The following KATNAL2 variants were observed in gnomAD, a reference collection of about 807,000 sequenced individuals.
KATNAL2 encodes katanin catalytic subunit A1 like 2, also known as katanin p60 ATPase-containing subunit A-like 2.
A neutral mutation model predicts 76.3 loss-of-function variants in KATNAL2; 52 were observed. The ratio of observed to expected loss-of-function variants is 0.68; its 90% CI spans 0.55 to 0.86. The LOEUF (loss-of-function observed/expected upper bound fraction) is 0.86, where lower values mean the gene tolerates loss of function less well. Among genes scored for constraint, KATNAL2 ranks in the 40% least tolerant of loss-of-function variants. KATNAL2 has a pLI of 0.00. For missense variants in KATNAL2, 660 were observed against 668.9 expected (o/e 0.99, Z 0.15); for synonymous variants, 243 against 244.2 (o/e 1.00, Z 0.05).
At chr18:46,965,451 A>G (rs1391969158) in intron 3 of KATNAL2, among the ~76,000 whole-genome samples, 1 of 114,028 alleles carries the variant, frequency 8.8e-6, no homozygotes, top group African/African-American at 3.3e-5. Flanking sequence ...GTGGTGGAGA[A>G]GAAGTCTCTG....
At chr18:46,953,454 C>T (rs114046423) in intron 3 of KATNAL2, among the ~76,000 whole-genome samples, 1,991 of 152,184 alleles carry the variant, frequency 0.013, 41 homozygotes, top group African/African-American at 0.044. Context: ...GCCTGGGCAA[C>T]GTGATGAAAC....
chr18:47,035,346 C>T (rs2060721458), intron 3 of KATNAL2: 3 of 1,599,632 alleles, frequency 1.9e-6, no homozygotes, highest in Admixed American at 1.7e-5. Context: ...TCTGGGGTGG[C>T]CGGTCCTCGC....
rs920703000 is a variant in KATNAL2 at position 46,946,159 on chromosome 18, G to A, written c.-407G>A. 8.9e-5 allele frequency: 84 copies of A among 941,074 alleles called. No individual in the cohort carries two copies. In the African/African-American group the frequency reaches 1.3e-3, roughly 14 times the overall value. The allele number at this position is 941,074 out of a possible 1,614,324, so 58.3% of individuals were successfully genotyped here. Reference sequence around the variant, plus strand: ...AATGATGAAGGGATAATTTGGAATAGGATTCACAGCAAGAGAGACAGAAGG... The same window carrying A: ...AATGATGAAGGGATAATTTGGAATAAGATTCACAGCAAGAGAGACAGAAGG... On this transcript the variant is annotated 5_prime_UTR_variant, in exon 2 of 18. Transcript: ENST00000683218.
At chr18:47,099,684 C>T (rs529128070) in intron 16 of KATNAL2, among the ~76,000 whole-genome samples, 2 of 152,260 alleles carry the variant, frequency 1.3e-5, no homozygotes, top group South Asian at 4.1e-4. Context: ...AGCTGTGTGA[C>T]CTCGGAGAAG....
intron 3 of KATNAL2, among the ~76,000 whole-genome samples, chr18:46,955,584 G>T (rs1288985130): frequency 1.3e-5 from 2 of 150,640 alleles, no homozygotes; most frequent in African/African-American, 2.4e-5. Context: ...TTTGGAAACA[G>T]GGTCTCACCG....
At chr18:47,096,549 A>G (rs780148943) in intron 15 of KATNAL2, among the ~76,000 whole-genome samples, 3 of 152,112 alleles carry the variant, frequency 2.0e-5, no homozygotes, top group Non-Finnish European at 2.9e-5. Context: ...TATGTTGCCC[A>G]GCATAGTCAG....
intron 14 of KATNAL2, 75 bp downstream of exon 14, chr18:47,075,443 C>G (rs553140394): frequency 6.2e-6 from 7 of 1,122,226 alleles, no homozygotes; most frequent in East Asian, 3.2e-5. Flanking sequence ...GTTTGATGGT[C>G]GGAAGCCTAT....
chr18:46,919,007 A>ATATGTG (rs550181494), intron 1 of KATNAL2, among the ~76,000 whole-genome samples: 38 of 143,308 alleles, frequency 2.7e-4, no homozygotes, highest in South Asian at 2.0e-3. Flanking sequence ...ATATATATAT[A>ATATGTG]TGTGTGTGTG....
chr18:47,049,542 A>G lies in KATNAL2; in HGVS notation c.122+3015A>G, dbSNP rs546831799. Among the ~76,000 whole-genome samples the G allele has an allele frequency of 5.3e-5, 8 of 152,340 alleles. No individual in the cohort carries two copies. In the South Asian group the frequency reaches 1.5e-3, roughly 28 times the overall value. ...TATACAGAATATTAATAGGTGTTAA[A>G]GAGTTTTGTGGTCAGGTAAGCTTGG... On this transcript the variant is annotated intron_variant, in intron 4 of 17. Transcript: ENST00000683218.
chr18:47,057,036 C>T (rs1240083492), intron 6 of KATNAL2, among the ~76,000 whole-genome samples: 1 of 151,950 alleles, frequency 6.6e-6, no homozygotes, highest in Admixed American at 6.5e-5. Context: ...CTTCTCATGA[C>T]GCTCTCCCCA....
intron 15 of KATNAL2, chr18:47,091,133 G>A (rs1453432869): frequency 6.6e-6 from 1 of 152,210 alleles, no homozygotes; most frequent in Non-Finnish European, 1.5e-5. Context: ...CAGGAACCCT[G>A]GTTTAACAGT....
rs1239016659 is a variant in KATNAL2 at position 46,946,948 on chromosome 18, G to C, written c.51+25G>C. 9 of 1,412,400 alleles carry C rather than the reference G, an allele frequency of 6.4e-6. No homozygotes were observed. The South Asian group carries it at 9.8e-5, about 15-fold the overall frequency. 87.5% of individuals were successfully genotyped at this position (1,412,400 alleles called of 1,614,324 possible). On this transcript the variant is annotated intron_variant, in intron 3 of 17. Coordinates refer to ENST00000683218, the MANE Select transcript of KATNAL2 (RefSeq NM_001387690.1). Reference sequence around the variant, plus strand: ...GGTAAGGAACGCATATATAAAACATGATTATACCAAGAACCCCTCTCCTAC... The same window carrying C: ...GGTAAGGAACGCATATATAAAACATCATTATACCAAGAACCCCTCTCCTAC...
Position 47,075,386 on chromosome 18 carries a change from G to A in KATNAL2, c.1100+18G>A, listed in dbSNP as rs1465381693. 6.8e-7 allele frequency: 1 copy of A among 1,468,830 alleles called. No homozygotes were observed. The highest frequency in any genetic ancestry group is 9.0e-7 in the Non-Finnish European group (1 of 1,112,864). 91.0% of individuals were successfully genotyped at this position (1,468,830 alleles called of 1,614,324 possible). A position where few individuals can be genotyped will look rare whatever the true frequency, so the allele number is the denominator to read the frequency against. On this transcript the variant is annotated intron_variant, in intron 14 of 17. Transcript: ENST00000683218. ...GCTTCTGGGTAACAGACAGGGTTGG[G>A]GTTTTTGTTGTTGTTGTTTTTTGTC...
intron 3 of KATNAL2, among the ~76,000 whole-genome samples, chr18:46,959,138 A>G (rs2059854148): frequency 6.6e-6 from 1 of 152,270 alleles, no homozygotes; most frequent in Admixed American, 6.5e-5. Flanking sequence ...TTAAACTTCA[A>G]ATGTTCAAAC....
chr18:47,071,953 C>CTTCTTTTTTTT (rs2062020721), intron 13 of KATNAL2, among the ~76,000 whole-genome samples: 1 of 43,950 alleles, frequency 2.3e-5, no homozygotes, highest in African/African-American at 1.2e-4. Flanking sequence ...CCAATTTCTT[C>CTTCTTTTTTTT]TTTTTTTTTT....
chr18:46,926,882 G>GT (rs759556683), intron 1 of KATNAL2, among the ~76,000 whole-genome samples: 4 of 152,124 alleles, frequency 2.6e-5, no homozygotes, highest in Admixed American at 6.6e-5. Context: ...TTTAAAGTTT[G>GT]TTTTATCAGA....
intron 1 of KATNAL2, among the ~76,000 whole-genome samples, chr18:46,923,039 G>A (rs1329278495): frequency 1.1e-4 from 16 of 146,650 alleles, no homozygotes; most frequent in Non-Finnish European, 2.1e-4. Flanking sequence ...TAGACCTTTA[G>A]TAAGATCTCA....
intron 15 of KATNAL2, among the ~76,000 whole-genome samples, chr18:47,087,135 A>G (rs992248102): frequency 7.9e-5 from 12 of 152,200 alleles, no homozygotes; most frequent in Non-Finnish European, 1.8e-4. Flanking sequence ...TTTTGCTTCC[A>G]TATCCTTCTC....
intron 3 of KATNAL2, among the ~76,000 whole-genome samples, chr18:46,956,338 A>G (rs2059746003): frequency 6.6e-6 from 1 of 152,212 alleles, no homozygotes. Context: ...GATTAGTGAC[A>G]CTAACACTAC....
Sources: gnomAD v4.1 joint callset for allele counts (sites outside exome capture counted in the v4.1 genomes callset) on GRCh38, gnomAD v4.1.1 for gene constraint, MANE v1.5 for transcripts, NCBI Gene and HGNC (gene_info 2026-07-23, HGNC 2026-07-21) for gene names.